The following TKTL1 variants were observed in gnomAD, a reference collection of about 807,000 sequenced individuals.
The protein encoded by TKTL1 is transketolase like 1.
A neutral mutation model predicts 39.3 loss-of-function variants in TKTL1; 1 was observed. The ratio of observed to expected loss-of-function variants is 0.03; its 90% CI spans 0.01 to 0.12. The LOEUF is 0.12. TKTL1 is among the 10% of genes least tolerant of loss of function. The pLI is 1.00. For missense variants in TKTL1, 575 were observed against 509.6 expected (o/e 1.13, Z -1.24); for synonymous variants, 262 against 193.8 (o/e 1.35, Z -2.92).
intron 8 of TKTL1, among the ~76,000 whole-genome samples, chrX:154,322,712 C>T (rs1428863359): frequency 9.0e-6 from 1 of 110,897 alleles, no homozygotes; most frequent in Non-Finnish European, 1.9e-5. Context: ...CCAGATACAC[C>T]CTAAAGTACC....
chrX:154,310,373 T>A (rs1477648829), intron 3 of TKTL1, among the ~76,000 whole-genome samples: 4 of 111,790 alleles, frequency 3.6e-5, no homozygotes, highest in Non-Finnish European at 7.5e-5. Flanking sequence ...AGGTGGAGGT[T>A]GCAGTGAGCC....
At chrX:154,327,122 C>T (rs782655350) in intron 10 of TKTL1, 1 of 221,805 alleles carries the variant, frequency 4.5e-6, no homozygotes, top group Admixed American at 5.9e-5. Context: ...TCAGCCCCGC[C>T]TGGCTGTGGG....
Position 154,328,804 on chromosome X carries a change from A to G in TKTL1, c.1619-712A>G, listed in dbSNP as rs140624186. ...TCGAAGGACTCCTGGGACCCAGCAC[A>G]CAGTTGCTCTCACACCTGAGGTTGA... is the stretch of plus-strand genomic sequence containing the variant. On this transcript the variant is annotated intron_variant, in intron 12 of 12. Coordinates refer to ENST00000369915, the MANE Select transcript of TKTL1 (RefSeq NM_012253.4). Among the ~76,000 whole-genome samples the G allele has an allele frequency of 5.0e-3, 556 of 110,556 alleles. 3 individuals carry two copies. The highest frequency in any genetic ancestry group is 0.018 in the African/African-American group (546 of 30,468).
At chrX:154,328,071 C>CTT in intron 12 of TKTL1, 113 bp downstream of exon 12, 1 of 990,422 alleles carries the variant, frequency 1.0e-6, no homozygotes, top group East Asian at 3.1e-5. Flanking sequence ...CCCAGCATGG[C>CTT]TTTGTTATTT....
At chrX:154,325,684 C>G (rs1400075437) in intron 10 of TKTL1, among the ~76,000 whole-genome samples, 1 of 112,337 alleles carries the variant, frequency 8.9e-6, no homozygotes, top group East Asian at 2.8e-4. Flanking sequence ...GCCACTTGAG[C>G]GGTCGTGGCT....
intron 9 of TKTL1, 97 bp downstream of exon 9, chrX:154,323,434 GAT>G: frequency 1.0e-6 from 1 of 954,450 alleles, no homozygotes; most frequent in East Asian, 3.1e-5. Context: ...ACATAAAAGT[GAT>G]ATTCATTATA....
rs141938475 is a variant in TKTL1 at position 154,312,665 on chromosome X, A to G, written c.756A>G (p.Ile252Met). 1.9e-5 allele frequency: 23 copies of G among 1,210,172 alleles called. No homozygotes were observed. In the African/African-American group the frequency reaches 3.7e-4, roughly 19 times the overall value. ...TTATCAAATTAATTGAGAGCCAGAT[A>G]CAGACCAGCAGGAATCTTGACCCAC... ...DAIIKLIESQ[I>M]QTSRNLDPQP... Residue 252 changes from isoleucine to methionine, a missense_variant, in exon 6 of 13, where the codon ATA (isoleucine) becomes ATG (methionine). Coordinates refer to ENST00000369915, the MANE Select transcript of TKTL1 (RefSeq NM_012253.4).
intron 1 of TKTL1, among the ~76,000 whole-genome samples, chrX:154,296,217 G>A (rs1266185301): frequency 1.8e-5 from 2 of 111,168 alleles, no homozygotes; most frequent in African/African-American, 6.6e-5. Flanking sequence ...GGTCAGCCGC[G>A]GGTTCTGGAG....
At chrX:154,324,944 CAGATAGATGTTTATGGTCT>C (rs1184335430) in intron 9 of TKTL1, among the ~76,000 whole-genome samples, 2 of 112,074 alleles carry the variant, frequency 1.8e-5, no homozygotes, top group African/African-American at 6.5e-5. Context: ...GTCTTGTATT[CAGATAGATGTTTATGGTCT>C]TTCTAAGGAT....
chrX:154,303,697 C>G (rs1557166533), intron 1 of TKTL1, among the ~76,000 whole-genome samples: 1 of 107,855 alleles, frequency 9.3e-6, no homozygotes, highest in African/African-American at 3.4e-5. Flanking sequence ...TGGAAGTCCC[C>G]CATAATGAAG....
chrX:154,309,450 T>G lies in TKTL1; in HGVS notation c.350+8T>G. 2 of 1,194,172 alleles carry G rather than the reference T, an allele frequency of 1.7e-6. No individual in the cohort carries two copies. The highest frequency in any genetic ancestry group is 2.3e-4 in the Middle Eastern group (1 of 4,302). ...GTACTTCGACAGGGCCAGGTGAGGT[T>G]CTTCCCCAGAAGCCATTTAACTGCC... On this transcript the variant is annotated splice_region_variant and intron_variant, in intron 3 of 12. Transcript: ENST00000369915.
At chrX:154,322,927 AT>A (rs2067463224) in intron 8 of TKTL1, among the ~76,000 whole-genome samples, 1 of 112,172 alleles carries the variant, frequency 8.9e-6, no homozygotes, top group East Asian at 2.8e-4. Context: ...ATGCTCAGCC[AT>A]CGTGGACAGT....
chrX:154,299,491 G>A (rs1252754195), intron 1 of TKTL1, among the ~76,000 whole-genome samples: 1 of 110,421 alleles, frequency 9.1e-6, no homozygotes, highest in African/African-American at 3.3e-5. Context: ...AGTGTTAGGG[G>A]TATAAGTTGT....
At chrX:154,316,883 C>T (rs1205383483) in intron 7 of TKTL1, among the ~76,000 whole-genome samples, 1 of 109,236 alleles carries the variant, frequency 9.2e-6, no homozygotes, top group Non-Finnish European at 1.9e-5. Flanking sequence ...GATTCCCTTG[C>T]CTCAGCCTCG....
chrX:154,313,441 C>T (rs1297710525), intron 6 of TKTL1, among the ~76,000 whole-genome samples: 1 of 112,121 alleles, frequency 8.9e-6, no homozygotes, highest in African/African-American at 3.2e-5. Context: ...GCAGACCTGA[C>T]ATAGGCAAGT....
In TKTL1 at chrX:154,311,915, C is replaced by A. The variant is rs782321769; in HGVS notation, c.671-665C>A. 3.6e-5 allele frequency among the ~76,000 whole-genome samples: 4 copies of A among 110,598 alleles called. No homozygotes were observed. The South Asian group carries it at 1.2e-3, about 32-fold the overall frequency. On this transcript the variant is annotated intron_variant, in intron 5 of 12. Coordinates refer to ENST00000369915, the MANE Select transcript of TKTL1 (RefSeq NM_012253.4). Reference sequence around the variant, plus strand: ...TCATATGCCCACACATAGACCCAGTCCCCTAGATTACATCTTGGACCCATT... The same window carrying A: ...TCATATGCCCACACATAGACCCAGTACCCTAGATTACATCTTGGACCCATT...
intron 5 of TKTL1, 87 bp downstream of exon 5, chrX:154,311,325 G>A (rs1557168326): frequency 1.8e-6 from 2 of 1,132,583 alleles, no homozygotes; most frequent in Non-Finnish European, 2.4e-6. Context: ...GAGGGGCCTA[G>A]GCAGATGACT....
intron 2 of TKTL1, among the ~76,000 whole-genome samples, chrX:154,305,811 CAGTT>C (rs2067310692): frequency 9.0e-6 from 1 of 111,096 alleles, no homozygotes; most frequent in Non-Finnish European, 1.9e-5. Context: ...CCACCCCTGT[CAGTT>C]AGCTTCCTCT....
chrX:154,302,954 C>T (rs2067285145), intron 1 of TKTL1, among the ~76,000 whole-genome samples: 1 of 110,634 alleles, frequency 9.0e-6, no homozygotes, highest in Non-Finnish European at 1.9e-5. Context: ...GCGATCCTCC[C>T]CTAGGACCTA....
Sources: allele counts gnomAD v4.1 joint callset (sites outside exome capture counted in the v4.1 genomes callset), GRCh38; gene constraint gnomAD v4.1.1; transcripts MANE v1.5; gene names NCBI Gene and HGNC (gene_info 2026-07-23, HGNC 2026-07-21).